CDH13: variants seen among roughly 807,000 people sequenced by gnomAD.
The protein encoded by CDH13 is cadherin 13, also known as cadherin-13.
Under a neutral mutation model 63.8 loss-of-function variants are expected in CDH13, and 24 were observed. The observed-to-expected ratio is 0.38, with a 90% CI of 0.27 to 0.53. The LOEUF (loss-of-function observed/expected upper bound fraction) is 0.53. CDH13 is among the 20% of genes least tolerant of loss of function. CDH13 has a pLI of 0.85. For synonymous variants in CDH13, 503 were observed against 355.3 expected, an observed-to-expected ratio of 1.42 and a Z score of -4.67; for missense variants, 1,049 against 903.1, an observed-to-expected ratio of 1.16 and a Z score of -2.07.
rs1567722270 is a variant in CDH13 at position 83,508,100 on chromosome 16, G to GGAAGGA, written c.960+21445_960+21446insGAAGGA. Among the ~76,000 whole-genome samples, 84 of 59,670 alleles carry GGAAGGA rather than the reference G, an allele frequency of 1.4e-3. 1 individual carries two copies. Among genetic ancestry groups the GGAAGGA allele is most frequent in the African/African-American group, 4.7e-3 (76 of 16,022 alleles). 39.1% of individuals were successfully genotyped at this position (59,670 alleles called of 152,430 possible). ...GGAAGGAAGGAAGGAAGGAAGGAAA[G>GGAAGGA]AAGGAAGGAAAAGGAAGGAAGGGAG... On this transcript the variant is annotated intron_variant, in intron 7 of 13. Coordinates refer to ENST00000567109, the MANE Select transcript of CDH13 (RefSeq NM_001257.5).
chr16:83,559,818 C>T (rs1022550429), intron 7 of CDH13, among the ~76,000 whole-genome samples: 3 of 152,228 alleles, frequency 2.0e-5, no homozygotes, highest in Non-Finnish European at 2.9e-5. Context: ...GGCACCACAG[C>T]GTCTTTTTGA....
chr16:82,804,170 G>A (rs1007036723), intron 1 of CDH13, among the ~76,000 whole-genome samples: 3 of 151,724 alleles, frequency 2.0e-5, no homozygotes, highest in Non-Finnish European at 4.4e-5. Context: ...GGAGGTTGCA[G>A]TGAGCTGAGA....
chr16:83,096,047 G>A (rs184365831), intron 3 of CDH13, among the ~76,000 whole-genome samples: 1 of 152,268 alleles, frequency 6.6e-6, no homozygotes, highest in Admixed American at 6.5e-5. Context: ...GTGATGCAGT[G>A]GGGAAGCATG....
chr16:82,693,154 T>C (rs1915799306), intron 1 of CDH13, among the ~76,000 whole-genome samples: 1 of 152,202 alleles, frequency 6.6e-6, no homozygotes, highest in Non-Finnish European at 1.5e-5. Flanking sequence ...TATCATGCCA[T>C]GGACTTTGAG....
At chr16:83,203,012 G>A (rs1448725978) in intron 4 of CDH13, among the ~76,000 whole-genome samples, 1 of 151,842 alleles carries the variant, frequency 6.6e-6, no homozygotes, top group Middle Eastern at 3.2e-3. Context: ...GATCACCTGA[G>A]GTCACAAGTT....
intron 6 of CDH13, among the ~76,000 whole-genome samples, chr16:83,449,723 A>G (rs530346556): frequency 2.0e-5 from 3 of 152,326 alleles, no homozygotes; most frequent in East Asian, 3.9e-4. Context: ...CTGTTCTGCA[A>G]CTTGCCTAAT....
chr16:83,231,714 T>G (rs769785039), intron 5 of CDH13, among the ~76,000 whole-genome samples: 7 of 152,146 alleles, frequency 4.6e-5, no homozygotes, highest in Non-Finnish European at 8.8e-5. Context: ...CAAAAGGACT[T>G]ACTCTGCCCC....
In CDH13 at chr16:83,389,628, T is replaced by C. The variant is rs117169481; in HGVS notation, c.781+44622T>C. ...CAGATAGTCCCACCTTTTAGACTTATCTGGTCACTTCCTTATGGTGTCACA... is the reference window on the plus strand; with the variant it reads ...CAGATAGTCCCACCTTTTAGACTTACCTGGTCACTTCCTTATGGTGTCACA... On this transcript the variant is annotated intron_variant, in intron 6 of 13. Coordinates refer to ENST00000567109, the MANE Select transcript of CDH13 (RefSeq NM_001257.5). Among the ~76,000 whole-genome samples, 1,150 of 152,382 alleles carry C rather than the reference T, an allele frequency of 7.5e-3. 6 individuals carry two copies. The highest frequency in any genetic ancestry group is 0.024 in the Middle Eastern group (7 of 294).
Position 82,899,311 on chromosome 16 carries a change from T to C in CDH13, c.157+40838T>C, listed in dbSNP as rs777308009. Among the ~76,000 whole-genome samples, 108 of 152,182 alleles carry C rather than the reference T, an allele frequency of 7.1e-4. 1 individual carries two copies. Among genetic ancestry groups the C allele is most frequent in the Non-Finnish European group, 2.4e-4 (16 of 68,028 alleles). On this transcript the variant is annotated intron_variant, in intron 2 of 13. Coordinates refer to ENST00000567109, the MANE Select transcript of CDH13 (RefSeq NM_001257.5). ...GTCCCTAGAGTCCACTAGAAGACAA[T>C]TTCTTGGTGTTTAAGAGATTATTCT...
At chr16:83,118,216 TCTC>T (rs1203575148) in intron 3 of CDH13, among the ~76,000 whole-genome samples, 1 of 152,044 alleles carries the variant, frequency 6.6e-6, no homozygotes, top group Non-Finnish European at 1.5e-5. Flanking sequence ...AGAACCTCAC[TCTC>T]CTCTGCACAC....
At chr16:83,618,242 T>A (rs2150773301) in intron 8 of CDH13, among the ~76,000 whole-genome samples, 1 of 151,846 alleles carries the variant, frequency 6.6e-6, no homozygotes, top group Non-Finnish European at 1.5e-5. Flanking sequence ...CTGGGCAACA[T>A]AGTGAAACCT....
intron 6 of CDH13, among the ~76,000 whole-genome samples, chr16:83,364,794 T>C (rs2091227707): frequency 6.6e-6 from 1 of 151,928 alleles, no homozygotes; most frequent in Non-Finnish European, 1.5e-5. Context: ...GAGAGAGAGA[T>C]TCATTGTAAG....
chr16:82,839,857 C>G (rs948139654), intron 1 of CDH13, among the ~76,000 whole-genome samples: 1 of 152,160 alleles, frequency 6.6e-6, no homozygotes, highest in African/African-American at 2.4e-5. Flanking sequence ...GAGAGGTATG[C>G]TATTTTTCCA....
intron 9 of CDH13, among the ~76,000 whole-genome samples, chr16:83,672,028 G>T (rs533649814): frequency 2.6e-5 from 4 of 152,204 alleles, no homozygotes; most frequent in Non-Finnish European, 5.9e-5. Context: ...CCATTTGCCT[G>T]AGCAGCAGGG....
Position 83,508,065 on chromosome 16 carries a change from AAGGAAGG to A in CDH13, c.960+21412_960+21418del, listed in dbSNP as rs1412628332. Among the ~76,000 whole-genome samples the A allele has an allele frequency of 5.2e-4, 24 of 46,360 alleles. 2 individuals are homozygous for A. Among genetic ancestry groups the A allele is most frequent in the Non-Finnish European group, 3.1e-4 (7 of 22,228 alleles). 30.4% of individuals were successfully genotyped at this position (46,360 alleles called of 152,430 possible). ...AAAGAGAGAAAGAGAAGAAGGAAGG[AAGGAAGG>A]AAGGAAGGAAGGAAGGAAGGAAGGA... On this transcript the variant is annotated intron_variant, in intron 7 of 13. Transcript: ENST00000567109.
At chr16:83,382,465 C>G (rs1210449246) in intron 6 of CDH13, among the ~76,000 whole-genome samples, 1 of 152,160 alleles carries the variant, frequency 6.6e-6, no homozygotes. Context: ...TCACATTTCA[C>G]TGCGTACACT....
chr16:82,934,680 G>C (rs2042609526), intron 2 of CDH13, among the ~76,000 whole-genome samples: 1 of 152,062 alleles, frequency 6.6e-6, no homozygotes, highest in Non-Finnish European at 1.5e-5. Context: ...TCTTCCACCA[G>C]ATACCCTACA....
intron 6 of CDH13, among the ~76,000 whole-genome samples, chr16:83,482,620 C>T (rs2073797107): frequency 6.6e-6 from 1 of 152,218 alleles, no homozygotes; most frequent in Admixed American, 6.5e-5. Flanking sequence ...CATGATCCAG[C>T]CTCCAGGGGA....
intron 6 of CDH13, among the ~76,000 whole-genome samples, chr16:83,480,403 C>G (rs908806932): frequency 6.6e-6 from 1 of 152,168 alleles, no homozygotes; most frequent in Non-Finnish European, 1.5e-5. Flanking sequence ...CCCAGGTCCT[C>G]AGCCGGGCCA....
Sources: gnomAD v4.1 joint callset for allele counts (sites outside exome capture counted in the v4.1 genomes callset) on GRCh38, gnomAD v4.1.1 for gene constraint, MANE v1.5 for transcripts, NCBI Gene and HGNC (gene_info 2026-07-23, HGNC 2026-07-21) for gene names.